The following TOP6BL variants were observed in gnomAD, a reference collection of about 807,000 sequenced individuals.
The protein encoded by TOP6BL is TOP6B like initiator of meiotic double strand breaks.
chr11:66,766,941 C>T, the TOP6BL span, among the ~76,000 whole-genome samples: 1 of 152,120 alleles, frequency 6.6e-6, no homozygotes, highest in South Asian at 2.1e-4. Context: ...CATAATTCTC[C>T]AGCGTTAAAA....
At chr11:66,837,327 CTG>C in the TOP6BL span, among the ~76,000 whole-genome samples, 1 of 151,884 alleles carries the variant, frequency 6.6e-6, no homozygotes, top group Non-Finnish European at 1.5e-5. Context: ...CGGGGTTTCA[CTG>C]TGTTAGCCAG....
chr11:66,829,068 C>CAAAA, the TOP6BL span, among the ~76,000 whole-genome samples: 2 of 33,098 alleles, frequency 6.0e-5, no homozygotes, highest in African/African-American at 1.1e-4. Context: ...GCCTCTGTCT[C>CAAAA]AAAAAAAAAA....
the TOP6BL span, chr11:66,762,424 C>T: frequency 4.4e-5 from 14 of 320,970 alleles, 1 homozygote; most frequent in South Asian, 2.8e-4. Context: ...CGAACATGTG[C>T]GGATGCAAAG....
the TOP6BL span, among the ~76,000 whole-genome samples, chr11:66,790,200 C>A: frequency 6.6e-6 from 1 of 151,378 alleles, no homozygotes; most frequent in Non-Finnish European, 1.5e-5. Flanking sequence ...ACCCGGGAGG[C>A]GGAGCTTGAA....
chr11:66,833,040 CTTTTTTTTTTTTTTT>C, the TOP6BL span, among the ~76,000 whole-genome samples: 2 of 117,264 alleles, frequency 1.7e-5, no homozygotes, highest in South Asian at 2.8e-4. Context: ...ATCTTTCTGC[CTTTTTTTTTTTTTTT>C]TTTTTTTTTT....
chr11:66,812,970 G>T, the TOP6BL span, among the ~76,000 whole-genome samples: 1 of 152,184 alleles, frequency 6.6e-6, no homozygotes, highest in African/African-American at 2.4e-5. Context: ...CTGGGTTACA[G>T]GTAGGGTGAG....
chr11:66,794,119 A>G, the TOP6BL span, among the ~76,000 whole-genome samples: 1 of 151,132 alleles, frequency 6.6e-6, no homozygotes, highest in Non-Finnish European at 1.5e-5. Flanking sequence ...TTCTAAAAAA[A>G]AAAAAAAAAA....
chr11:66,777,376 T>A, the TOP6BL span, among the ~76,000 whole-genome samples: 1 of 152,168 alleles, frequency 6.6e-6, no homozygotes, highest in Non-Finnish European at 1.5e-5. Context: ...ACCTACCTCA[T>A]AAAATTGTTT....
the TOP6BL span, among the ~76,000 whole-genome samples, chr11:66,787,966 A>G: frequency 9.6e-4 from 146 of 152,364 alleles, no homozygotes; most frequent in Middle Eastern, 3.4e-3. Context: ...AAATGTCCTA[A>G]TCCCATAAAG....
the TOP6BL span, among the ~76,000 whole-genome samples, chr11:66,800,368 C>T: frequency 6.6e-6 from 1 of 151,996 alleles, no homozygotes; most frequent in African/African-American, 2.4e-5. Context: ...TTCAAAATAG[C>T]TGAGAGTAAA....
the TOP6BL span, among the ~76,000 whole-genome samples, chr11:66,769,522 A>T: frequency 6.6e-6 from 1 of 151,916 alleles, no homozygotes; most frequent in South Asian, 2.1e-4. Flanking sequence ...AATAATCCAC[A>T]GATAAGAAAA....
chr11:66,753,019 C>T, the TOP6BL span, among the ~76,000 whole-genome samples: 1 of 151,964 alleles, frequency 6.6e-6, no homozygotes, highest in South Asian at 2.1e-4. Context: ...GTCCTAGCTA[C>T]TCCAGAGGCT....
chr11:66,788,015 AT>A, the TOP6BL span: 11 of 560,992 alleles, frequency 2.0e-5, no homozygotes, highest in Non-Finnish European at 3.2e-5. Context: ...ATGCATAGCC[AT>A]TTCCAGTCAT....
the TOP6BL span, among the ~76,000 whole-genome samples, chr11:66,745,167 C>T: frequency 6.6e-6 from 1 of 152,088 alleles, no homozygotes; most frequent in Non-Finnish European, 1.5e-5. Context: ...GCGGCGTTTG[C>T]CGAGCACCGG....
At chr11:66,785,542 G>A in the TOP6BL span, among the ~76,000 whole-genome samples, 11 of 152,124 alleles carry the variant, frequency 7.2e-5, no homozygotes, top group African/African-American at 2.2e-4. Context: ...CAACTGTCCC[G>A]TAGGAGGCTC....
At chr11:66,777,264 GTTTA>G in the TOP6BL span, among the ~76,000 whole-genome samples, 4 of 151,634 alleles carry the variant, frequency 2.6e-5, no homozygotes, top group African/African-American at 9.7e-5. Context: ...AGACATTTAG[GTTTA>G]TTCTTTTTTT....
the TOP6BL span, chr11:66,822,416 A>G: frequency 1.6e-6 from 1 of 613,190 alleles, no homozygotes; most frequent in Admixed American, 3.0e-5. Flanking sequence ...TATGATGTAA[A>G]AATATGTGAG....
At chr11:66,826,035 G>A in the TOP6BL span, among the ~76,000 whole-genome samples, 2 of 151,994 alleles carry the variant, frequency 1.3e-5, no homozygotes, top group African/African-American at 4.8e-5. Flanking sequence ...AGTAGAGACG[G>A]GGTTTCATCG....
At chr11:66,763,288 C>T in the TOP6BL span, among the ~76,000 whole-genome samples, 1 of 152,136 alleles carries the variant, frequency 6.6e-6, no homozygotes, top group African/African-American at 2.4e-5. Flanking sequence ...ATTGTCTTGG[C>T]CCTCTGAATC....
Sources: allele counts gnomAD v4.1 joint callset (sites outside exome capture counted in the v4.1 genomes callset), GRCh38; gene constraint gnomAD v4.1.1; transcripts MANE v1.5; gene names NCBI Gene and HGNC (gene_info 2026-07-23, HGNC 2026-07-21).